Variants in GOLGA6L2 observed in about 807,000 individuals in gnomAD.
GOLGA6L2 encodes golgin A6 family like 2, also known as golgin subfamily A member 6-like protein 2.
Under a neutral mutation model 35.9 loss-of-function variants are expected in GOLGA6L2, and 30 were observed. The ratio of observed to expected loss-of-function variants is 0.83; its 90% CI spans 0.62 to 1.13. The LOEUF (loss-of-function observed/expected upper bound fraction) is 1.13, where lower values mean the gene tolerates loss of function less well. Ranked by LOEUF, GOLGA6L2 falls within the 50% of genes most tolerant of loss-of-function variation. The probability of loss-of-function intolerance (pLI) is 0.00; values close to 1 mark genes in which losing one functional copy is unlikely to be tolerated. For missense variants in GOLGA6L2, 821 were observed against 973.4 expected (o/e 0.84, Z 2.08); for synonymous variants, 297 against 344.0 (o/e 0.86, Z 1.51).
rs1246541174 is a variant in GOLGA6L2 at position 23,441,386 on chromosome 15, C to G, written c.1089G>C (p.Lys363Asn). The G allele has an allele frequency of 2.0e-6, 3 of 1,537,574 alleles. No individual in the cohort carries two copies. Among genetic ancestry groups the G allele is most frequent in the African/African-American group, 1.4e-5 (1 of 72,798 alleles). Residue 363 changes from lysine (K) to asparagine (N), a missense_variant, in exon 8 of 8, where the codon AAG (lysine) becomes AAC (asparagine). By Grantham distance (94) the Lys-to-Asn change is moderately conservative. Transcript: ENST00000567107. ...ACATCTTCTCTTCCTGCTCCCGCAT[C>G]TTCTCCTCCTGCTCCCACATCTTCT... ...QEEKMWEQEEKMREQEEKMWR... is the reference protein window; with the variant it reads ...QEEKMWEQEENMREQEEKMWR...
rs1566736850 is a variant in GOLGA6L2 at position 23,440,439 on chromosome 15, C to CCTCCTGCTCCCGCATCATCTCCTCCTCCT, written c.2035_2036insAGGAGGAGGAGATGATGCGGGAGCAGGAG (p.Gly679GlufsTer309). 1.1e-6 allele frequency: 1 copy of CCTCCTGCTCCCGCATCATCTCCTCCTCCT among 938,146 alleles called. No homozygotes were observed. The highest frequency in any genetic ancestry group is 1.7e-6 in the Non-Finnish European group (1 of 594,138). The allele number at this position is 938,146 out of a possible 1,614,324, so 58.1% of individuals were successfully genotyped here. ...TTCTCCTCCTGCTCCCACATCTTCT[C>CCTCCTGCTCCCGCATCATCTCCTCCTCCT]CTCCTGCTCCTGCATCTTCTCTTCC... On this transcript the variant is annotated frameshift_variant, in exon 8 of 8. Transcript: ENST00000567107. LOFTEE classifies it low-confidence loss of function (END_TRUNC).
In GOLGA6L2 at chr15:23,443,937, G is replaced by C. The variant is rs778339040; in HGVS notation, c.431C>G (p.Ser144Ter). 25 of 1,557,138 alleles carry C rather than the reference G, an allele frequency of 1.6e-5. No homozygotes were observed. Among genetic ancestry groups the C allele is most frequent in the Middle Eastern group, 1.7e-4 (1 of 6,036 alleles). ...GTPSSFNLAL[S>*]QAFRGSPLGC... is the part of the protein sequence containing the mutation. ...CAAAGGACTCCCCCTAAAGGCCTGT[G>C]AAAGTGCCAGGTTGAAGGATGATGG... The change falls in exon 5 of 8, where the codon TCA (serine) becomes TGA (stop). Residue 144 changes from serine to a stop codon, truncating the protein, a stop_gained. Transcript: ENST00000567107. LOFTEE classifies it high-confidence loss of function.
In GOLGA6L2 at chr15:23,441,107, C is replaced by A. The variant is rs1314542764; in HGVS notation, c.1368G>T (p.Glu456Asp). The A allele has an allele frequency of 6.5e-7, 1 of 1,530,498 alleles. No individual in the cohort carries two copies. Among genetic ancestry groups the A allele is most frequent in the African/African-American group, 1.4e-5 (1 of 71,862 alleles). The allele number at this position is 1,530,498 out of a possible 1,614,324, so 94.8% of individuals were successfully genotyped here. The change falls in exon 8 of 8, where the codon GAG becomes GAT. Residue 456 changes from glutamate to aspartate, a missense_variant. Transcript: ENST00000567107. ...TCTCCTCCTCTTCCCGCATCTTCTT[C>A]TCCCGCTCCCGTATCCTCTCCTCCT... ...MQEEERIRER[E>D]KKMREEEETM...
In GOLGA6L2 at chr15:23,441,604, G is replaced by C. The variant is rs1488129665; in HGVS notation, c.871C>G (p.Gln291Glu). Reference protein sequence around the residue: ...LREQEKKIRKQEEKMWRQEER... With the variant: ...LREQEKKIRKEEEKMWRQEER... ...TCCTGTCTCCACATCTTCTCCTCCT[G>C]CTTCCGTATCTTCTTTTCCTGCTCC... The change falls in exon 8 of 8, where the codon CAG becomes GAG. Residue 291 changes from glutamine to glutamate, a missense_variant. Transcript: ENST00000567107. 7 of 1,548,504 alleles carry C rather than the reference G, an allele frequency of 4.5e-6. No homozygotes were observed. In the Admixed American group the frequency reaches 1.4e-4, roughly 30 times the overall value.
In GOLGA6L2 at chr15:23,441,021, T is replaced by A. The variant is rs2070674186; in HGVS notation, c.1454A>T (p.Glu485Val). Reference protein sequence around the residue: ...KQEENMWEQEEKEWQQQRLPE... With the variant: ...KQEENMWEQEVKEWQQQRLPE... ...CAGCCTCTGCTGCTGCCACTCCTTCTCTTCCTGCTCCCACATATTCTCCTC... is the reference window on the plus strand; with the variant it reads ...CAGCCTCTGCTGCTGCCACTCCTTCACTTCCTGCTCCCACATATTCTCCTC... Residue 485 changes from glutamate (E) to valine (V), a missense_variant, in exon 8 of 8, where the codon GAG (glutamate) becomes GTG (valine). This residue lies in a region of GOLGA6L2 where 614 missense variants were observed against 632.3 expected (regional missense o/e 0.97). Transcript: ENST00000567107. The A allele has an allele frequency of 6.5e-7, 1 of 1,535,708 alleles. No individual in the cohort carries two copies. Among genetic ancestry groups the A allele is most frequent in the Non-Finnish European group, 8.8e-7 (1 of 1,142,310 alleles).
chr15:23,446,305 G>T (rs574702453), intron 1 of GOLGA6L2, among the ~76,000 whole-genome samples: 4 of 152,250 alleles, frequency 2.6e-5, no homozygotes, highest in South Asian at 2.1e-4. Flanking sequence ...GAGTTCACAG[G>T]GGGAGGTGTA....
intron 3 of GOLGA6L2, 60 bp downstream of exon 3, chr15:23,444,411 T>C: frequency 6.4e-7 from 1 of 1,560,436 alleles, no homozygotes; most frequent in Non-Finnish European, 8.8e-7. Context: ...GAGACGGGCC[T>C]CTACATCTGA....
Position 23,440,898 on chromosome 15 carries a change from A to ATCATCTCCTCCTGGCCCCACATCT in GOLGA6L2, c.1576_1577insAGATGTGGGGCCAGGAGGAGATGA (p.Glu525_Met526insLysMetTrpGlyGlnGluGluMet), listed in dbSNP as rs2070669746. ...CCACATCTTCTTCTCCTGCCCCCAC[A>ATCATCTCCTCCTGGCCCCACATCT]TCTCCTCCTGGTCCCGTATCTTCTC... is the stretch of plus-strand genomic sequence containing the variant. On this transcript the variant is annotated inframe_insertion, in exon 8 of 8. Coordinates refer to ENST00000567107, the MANE Select transcript of GOLGA6L2 (RefSeq NM_001304388.2). 9.0e-7 allele frequency: 1 copy of ATCATCTCCTCCTGGCCCCACATCT among 1,107,524 alleles called. No individual in the cohort carries two copies. Among genetic ancestry groups the ATCATCTCCTCCTGGCCCCACATCT allele is most frequent in the Admixed American group, 3.7e-5 (1 of 26,802 alleles). The allele number at this position is 1,107,524 out of a possible 1,614,324, so 68.6% of individuals were successfully genotyped here. A position where few individuals can be genotyped will look rare whatever the true frequency, so the allele number is the denominator to read the frequency against.
chr15:23,442,409 A>G (rs769184267), intron 6 of GOLGA6L2, 41 bp downstream of exon 6: 2 of 1,368,942 alleles, frequency 1.5e-6, no homozygotes, highest in East Asian at 3.7e-5. Context: ...CACCCACGCT[A>G]AGGGCCCCCA....
At chr15:23,445,551 T>C in intron 1 of GOLGA6L2, 113 bp from the exon 2 acceptor site, 2 of 235,682 alleles carry the variant, frequency 8.5e-6, no homozygotes, top group Non-Finnish European at 8.7e-6. Flanking sequence ...CCAACGACCG[T>C]ACGAGGTGTT....
Position 23,439,523 on chromosome 15 carries a change from CTTG to C in GOLGA6L2, c.*219_*221del, listed in dbSNP as rs1476950829. The C allele has an allele frequency of 6.9e-7, 1 of 1,452,172 alleles. No homozygotes were observed. The highest frequency in any genetic ancestry group is 9.3e-7 in the Non-Finnish European group (1 of 1,075,888). 90.0% of individuals were successfully genotyped at this position (1,452,172 alleles called of 1,614,324 possible). ...CATGGCGGCTTATGCTTCTGTAGGC[CTTG>C]TTGACAGTGCCAACTTTTAGATATT... is the stretch of plus-strand genomic sequence containing the variant. On this transcript the variant is annotated 3_prime_UTR_variant, in exon 8 of 8. Transcript: ENST00000567107.
Position 23,439,641 on chromosome 15 carries a change from T to A in GOLGA6L2, c.*104A>T, listed in dbSNP as rs201843720. On this transcript the variant is annotated 3_prime_UTR_variant, in exon 8 of 8. Coordinates refer to ENST00000567107, the MANE Select transcript of GOLGA6L2 (RefSeq NM_001304388.2). ...CCTGGGCACTGCTGGGCGTTCTTCA[T>A]CCCACAAAACAGCTGCATGATCTCC... The A allele has an allele frequency of 3.1e-5, 47 of 1,536,440 alleles. No individual in the cohort carries two copies. Among genetic ancestry groups the A allele is most frequent in the African/African-American group, 4.1e-5 (3 of 72,830 alleles).
At position 23,439,535 on chromosome 15, in the gene GOLGA6L2, G is replaced by C. The variant is rs545590966; in HGVS notation, c.*210C>G. The C allele has an allele frequency of 1.3e-6, 2 of 1,502,288 alleles. No homozygotes were observed. Among genetic ancestry groups the C allele is most frequent in the South Asian group, 1.2e-5 (1 of 82,450 alleles). The allele number at this position is 1,502,288 out of a possible 1,614,324, so 93.1% of individuals were successfully genotyped here. Reference sequence around the variant, plus strand: ...TGCTTCTGTAGGCCTTGTTGACAGTGCCAACTTTTAGATATTGATGATCTT... The same window carrying C: ...TGCTTCTGTAGGCCTTGTTGACAGTCCCAACTTTTAGATATTGATGATCTT... On this transcript the variant is annotated 3_prime_UTR_variant, in exon 8 of 8. Coordinates refer to ENST00000567107, the MANE Select transcript of GOLGA6L2 (RefSeq NM_001304388.2).
rs192523446 is a variant in GOLGA6L2, at chr15:23,445,604, A to T, written c.85-166T>A. On this transcript the variant is annotated intron_variant, in intron 1 of 7. Coordinates refer to ENST00000567107, the MANE Select transcript of GOLGA6L2 (RefSeq NM_001304388.2). The stretch of plus-strand genomic sequence containing the variant: ...ACTGAGAGGGATTGATACCATGGCT[A>T]AAAAAAAGGCAATAATGGAACTTAA... Among the ~76,000 whole-genome samples, 210 of 151,688 alleles carry T rather than the reference A, an allele frequency of 1.4e-3. 2 individuals carry two copies. The highest frequency in any genetic ancestry group is 4.7e-3 in the African/African-American group (196 of 41,404).
chr15:23,439,512 CT>C lies in GOLGA6L2; in HGVS notation c.*232del. The C allele has an allele frequency of 8.2e-7, 1 of 1,223,864 alleles. No homozygotes were observed. Among genetic ancestry groups the C allele is most frequent in the Non-Finnish European group, 1.1e-6 (1 of 884,606 alleles). 75.8% of individuals were successfully genotyped at this position (1,223,864 alleles called of 1,614,324 possible). ...TCACACAGTGACATGGCGGCTTATG[CT>C]TCTGTAGGCCTTGTTGACAGTGCCA... On this transcript the variant is annotated 3_prime_UTR_variant, in exon 8 of 8. Coordinates refer to ENST00000567107, the MANE Select transcript of GOLGA6L2 (RefSeq NM_001304388.2).
At chr15:23,444,449 G>C in intron 3 of GOLGA6L2, 22 bp downstream of exon 3, 2 of 1,600,286 alleles carry the variant, frequency 1.2e-6, no homozygotes, top group Non-Finnish European at 1.7e-6. Flanking sequence ...CAGTCATGTC[G>C]TGAGCAAACA....
intron 3 of GOLGA6L2, 104 bp downstream of exon 3, chr15:23,444,367 G>T (rs188396412): frequency 2.4e-5 from 36 of 1,478,106 alleles, no homozygotes; most frequent in Non-Finnish European, 3.1e-5. Flanking sequence ...TCTTGGCGGT[G>T]AGCCTTCTTC....
chr15:23,439,415 A>G lies in GOLGA6L2; in HGVS notation c.*330T>C. ...GTTTCGGCCACAAGGCCTGGCTAGT[A>G]TTTTACCACAATTTAAAGTAAATTT... On this transcript the variant is annotated 3_prime_UTR_variant, in exon 8 of 8. Coordinates refer to ENST00000567107, the MANE Select transcript of GOLGA6L2 (RefSeq NM_001304388.2). 1 of 475,962 alleles carries G rather than the reference A, an allele frequency of 2.1e-6. No homozygotes were observed. Among genetic ancestry groups the G allele is most frequent in the South Asian group, 2.2e-5 (1 of 45,296 alleles). The allele number at this position is 475,962 out of a possible 1,614,324, so 29.5% of individuals were successfully genotyped here.
At position 23,447,196 on chromosome 15, in the gene GOLGA6L2, C is replaced by G. The variant is rs182036452; in HGVS notation, c.-15G>C. ...TGGGGCCACATCAGCGTGATTCAGA[C>G]GAGGACAAGGATACACCTCCAGTCA... On this transcript the variant is annotated 5_prime_UTR_variant, in exon 1 of 8. Transcript: ENST00000567107. 6.7e-7 allele frequency: 1 copy of G among 1,484,980 alleles called. No homozygotes were observed. Among genetic ancestry groups the G allele is most frequent in the African/African-American group, 1.4e-5 (1 of 72,506 alleles). 92.0% of individuals were successfully genotyped at this position (1,484,980 alleles called of 1,614,324 possible).
Sources: gnomAD v4.1 joint callset for allele counts (sites outside exome capture counted in the v4.1 genomes callset) on GRCh38, gnomAD v4.1.1 for gene constraint, gnomAD v4.1.1 regional missense constraint, MANE v1.5 for transcripts, NCBI Gene and HGNC (gene_info 2026-07-23, HGNC 2026-07-21) for gene names.